KCNIP4: variants seen among roughly 807,000 people sequenced by gnomAD.
KCNIP4 encodes the protein Kv channel-interacting protein 4.
Under a neutral mutation model 34.0 loss-of-function variants are expected in KCNIP4, and 12 were observed. The ratio of observed to expected loss-of-function variants is 0.35; its 90% confidence interval spans 0.23 to 0.57. KCNIP4 has a LOEUF of 0.57. Among genes scored for constraint, KCNIP4 ranks in the 20% least tolerant of loss-of-function variants. The pLI is 0.83. For missense variants in KCNIP4, 238 were observed against 311.7 expected, an observed-to-expected ratio of 0.76 and a Z score of 1.78; for synonymous variants, 124 against 102.2, an observed-to-expected ratio of 1.21 and a Z score of -1.29.
chr4:21,445,007 G>A (rs1256159862), intron 1 of KCNIP4, among the ~76,000 whole-genome samples: 1 of 152,248 alleles, frequency 6.6e-6, no homozygotes, highest in Non-Finnish European at 1.5e-5. Context: ...CAAATCATGA[G>A]TGAGCTCCCA....
intron 1 of KCNIP4, among the ~76,000 whole-genome samples, chr4:21,137,232 C>A (rs1344879535): frequency 6.6e-6 from 1 of 152,168 alleles, no homozygotes; most frequent in Non-Finnish European, 1.5e-5. Context: ...ACTGGAAGAG[C>A]TCCCTCTATC....
intron 3 of KCNIP4, among the ~76,000 whole-genome samples, chr4:20,772,601 T>C (rs1175551255): frequency 6.6e-6 from 1 of 151,750 alleles, no homozygotes; most frequent in Non-Finnish European, 1.5e-5. Flanking sequence ...ATACATTTTA[T>C]ACATTTTATT....
At chr4:21,158,341 C>A (rs534936614) in intron 1 of KCNIP4, among the ~76,000 whole-genome samples, 1 of 151,462 alleles carries the variant, frequency 6.6e-6, no homozygotes, top group African/African-American at 2.4e-5. Context: ...CAGGGAAAGG[C>A]GTTACAAATA....
chr4:21,937,437 C>G (rs915076141), intron 1 of KCNIP4, among the ~76,000 whole-genome samples: 2 of 152,046 alleles, frequency 1.3e-5, no homozygotes, highest in Non-Finnish European at 2.9e-5. Context: ...GGACCGCCTC[C>G]TCATGATATC....
chr4:21,919,771 T>A (rs1411344038), intron 1 of KCNIP4, among the ~76,000 whole-genome samples: 1 of 152,186 alleles, frequency 6.6e-6, no homozygotes, highest in Non-Finnish European at 1.5e-5. Flanking sequence ...TTCCCTTTAT[T>A]TTCTATACTT....
intron 1 of KCNIP4, among the ~76,000 whole-genome samples, chr4:21,342,063 C>A (rs1441734273): frequency 1.3e-5 from 2 of 152,134 alleles, no homozygotes; most frequent in Non-Finnish European, 2.9e-5. Flanking sequence ...GCAACAACAA[C>A]AATGACAACA....
chr4:21,371,775 A>T (rs1164281665), intron 1 of KCNIP4, among the ~76,000 whole-genome samples: 1 of 147,220 alleles, frequency 6.8e-6, no homozygotes, highest in African/African-American at 2.7e-5. Context: ...ATATTATGTA[A>T]ATCTAAATAT....
At chr4:21,153,134 T>G (rs1229971923) in intron 1 of KCNIP4, among the ~76,000 whole-genome samples, 1 of 152,188 alleles carries the variant, frequency 6.6e-6, no homozygotes, top group Non-Finnish European at 1.5e-5. Flanking sequence ...CACAGGTGTA[T>G]GCACAGGCTA....
At chr4:21,948,420 A>G (rs1489546236) in intron 1 of KCNIP4, 151 bp downstream of exon 1, 12 of 786,046 alleles carry the variant, frequency 1.5e-5, no homozygotes, top group Non-Finnish European at 2.2e-5. Flanking sequence ...TGCCGCTCCC[A>G]CCTCCCCTTC....
intron 1 of KCNIP4, among the ~76,000 whole-genome samples, chr4:21,800,071 T>G (rs1247649250): frequency 6.6e-6 from 1 of 152,226 alleles, no homozygotes; most frequent in Non-Finnish European, 1.5e-5. Flanking sequence ...ACATCTTTGA[T>G]AGCTAAGCTT....
chr4:21,755,828 T>C (rs558427972), intron 1 of KCNIP4, among the ~76,000 whole-genome samples: 25 of 152,216 alleles, frequency 1.6e-4, no homozygotes, highest in Non-Finnish European at 3.4e-4. Context: ...CTAGCTCAGA[T>C]GTGGTCTTAC....
rs573355819 is a variant in KCNIP4 at position 21,073,139 on chromosome 4, G to T, written c.62-190430C>A. Among the ~76,000 whole-genome samples the T allele has an allele frequency of 1.7e-4, 26 of 152,104 alleles. No individual in the cohort carries two copies. In the South Asian group the frequency reaches 4.8e-3, roughly 28 times the overall value. On this transcript the variant is annotated intron_variant, in intron 1 of 8. Transcript: ENST00000382152. ...GACTTGGCAATGTGGGCTCTTTTTT[G>T]GTTCCATATGAACTTTAAAGTAGTT...
chr4:21,118,969 G>A (rs1749915028), intron 1 of KCNIP4, among the ~76,000 whole-genome samples: 1 of 152,162 alleles, frequency 6.6e-6, no homozygotes, highest in African/African-American at 2.4e-5. Context: ...TGTTTGAAAT[G>A]ACAGAAAAAT....
At chr4:20,849,372 TCAGA>T (rs72490343) in intron 3 of KCNIP4, among the ~76,000 whole-genome samples, 34,779 of 151,924 alleles carry the variant, frequency 0.23, 4,605 homozygotes, top group East Asian at 0.4. Context: ...CTCCATTCAT[TCAGA>T]CAGATGGTGG....
chr4:21,075,749 A>T (rs781142733), intron 1 of KCNIP4, among the ~76,000 whole-genome samples: 65 of 152,204 alleles, frequency 4.3e-4, no homozygotes, highest in Non-Finnish European at 7.2e-4. Flanking sequence ...GGTCTTTACA[A>T]TTTGGCATGT....
chr4:21,339,463 A>T (rs1467757380), intron 1 of KCNIP4, among the ~76,000 whole-genome samples: 1 of 152,252 alleles, frequency 6.6e-6, no homozygotes, highest in Non-Finnish European at 1.5e-5. Context: ...TTTGAATAGT[A>T]GCATGACAAG....
intron 3 of KCNIP4, among the ~76,000 whole-genome samples, chr4:20,798,284 C>A (rs1713744795): frequency 6.6e-6 from 1 of 152,146 alleles, no homozygotes; most frequent in Non-Finnish European, 1.5e-5. Context: ...GTTGTGAAAG[C>A]TTTAAATAAT....
At chr4:21,504,479 G>A (rs358560) in intron 1 of KCNIP4, among the ~76,000 whole-genome samples, 4,976 of 77,488 alleles carry the variant, frequency 0.064, 279 homozygotes, top group African/African-American at 0.21. Flanking sequence ...AAAAAAAAAA[G>A]AAAGAAAGAA....
intron 1 of KCNIP4, among the ~76,000 whole-genome samples, chr4:21,903,423 C>A (rs1374535483): frequency 6.6e-6 from 1 of 152,156 alleles, no homozygotes; most frequent in African/African-American, 2.4e-5. Context: ...TTAATTGCTA[C>A]ACTAATTCTG....
Sources: allele counts gnomAD v4.1 joint callset (sites outside exome capture counted in the v4.1 genomes callset), GRCh38; gene constraint gnomAD v4.1.1; transcripts MANE v1.5; gene names NCBI Gene and HGNC (gene_info 2026-07-23, HGNC 2026-07-21).